Variants in SLC14A2 observed in about 807,000 individuals in gnomAD.
SLC14A2 encodes solute carrier family 14 member 2.
A neutral mutation model predicts 104.6 loss-of-function variants in SLC14A2; 91 were observed. The observed-to-expected ratio is 0.87, with a 90% CI of 0.73 to 1.04. The LOEUF (loss-of-function observed/expected upper bound fraction) is 1.04, where lower values mean the gene tolerates loss of function less well. Among genes scored for constraint, SLC14A2 ranks in the 50% least tolerant of loss-of-function variants. The pLI is 0.00. For synonymous variants in SLC14A2, 476 were observed against 466.4 expected (o/e 1.02, Z -0.27); for missense variants, 1,189 against 1,156.0 (o/e 1.03, Z -0.41).
chr18:45,473,660 C>T (rs145006016), intron 1 of SLC14A2, among the ~76,000 whole-genome samples: 3 of 152,284 alleles, frequency 2.0e-5, no homozygotes, highest in East Asian at 3.9e-4. Flanking sequence ...GGAGTTCACT[C>T]ATGATTTGGC....
chr18:45,675,633 GCCT>G (rs1024666073), intron 18 of SLC14A2, among the ~76,000 whole-genome samples: 1 of 147,986 alleles, frequency 6.8e-6, no homozygotes, highest in Non-Finnish European at 1.5e-5. Flanking sequence ...TCCCACCTCA[GCCT>G]CCTGAGTAGG....
At chr18:45,270,649 C>G (rs1046739018) in intron 1 of SLC14A2, among the ~76,000 whole-genome samples, 1 of 152,136 alleles carries the variant, frequency 6.6e-6, no homozygotes, top group African/African-American at 2.4e-5. Context: ...CATTGGATCT[C>G]TATCATAACA....
chr18:45,543,606 T>C (rs1171720299), intron 2 of SLC14A2, among the ~76,000 whole-genome samples: 2 of 152,236 alleles, frequency 1.3e-5, no homozygotes, highest in Non-Finnish European at 2.9e-5. Context: ...GAGCTTGTTT[T>C]GTGAGCATTG....
chr18:45,201,770 T>C, the SLC14A2 span, among the ~76,000 whole-genome samples: 3 of 152,284 alleles, frequency 2.0e-5, no homozygotes, highest in East Asian at 5.8e-4. Flanking sequence ...CTCTCACTTA[T>C]GAAAGATTTG....
At chr18:45,569,207 A>G (rs531656056) in intron 2 of SLC14A2, among the ~76,000 whole-genome samples, 19 of 152,140 alleles carry the variant, frequency 1.2e-4, no homozygotes, top group African/African-American at 4.6e-4. Context: ...ATTTATTTCT[A>G]TCTTCACCCA....
chr18:45,359,839 A>G (rs530710191), intron 1 of SLC14A2, among the ~76,000 whole-genome samples: 1 of 152,340 alleles, frequency 6.6e-6, no homozygotes, highest in African/African-American at 2.4e-5. Context: ...CTTCTGTCCA[A>G]CTGATGAAAT....
chr18:45,670,725 A>G (rs2046118070), intron 16 of SLC14A2, among the ~76,000 whole-genome samples: 1 of 152,190 alleles, frequency 6.6e-6, no homozygotes, highest in African/African-American at 2.4e-5. Flanking sequence ...CAGTGACGCA[A>G]TCACAGCTCA....
At chr18:45,192,642 T>TTTGTTTTGTTTTG in the SLC14A2 span, among the ~76,000 whole-genome samples, 15 of 144,832 alleles carry the variant, frequency 1.0e-4, no homozygotes, top group Admixed American at 6.9e-4. Context: ...GTGTGGTTTT[T>TTTGTTTTGTTTTG]TTTTGTTTTG....
intron 2 of SLC14A2, among the ~76,000 whole-genome samples, chr18:45,548,312 A>C (rs1176037496): frequency 6.6e-6 from 1 of 152,206 alleles, no homozygotes; most frequent in African/African-American, 2.4e-5. Context: ...CAGGAAGAAG[A>C]CTTCCTTCAG....
At chr18:45,611,514 A>T (rs2044971227), upstream of SLC14A2, among the ~76,000 whole-genome samples, 1 of 152,234 alleles carries the variant, frequency 6.6e-6, no homozygotes, top group South Asian at 2.1e-4. Context: ...ACAAAGGAAG[A>T]CCCAGCTTCA....
chr18:45,439,444 ATT>A (rs60235515), intron 1 of SLC14A2, among the ~76,000 whole-genome samples: 58 of 150,958 alleles, frequency 3.8e-4, no homozygotes, highest in African/African-American at 1.2e-3. Flanking sequence ...ATATATTCTG[ATT>A]TTTTTTTTGT....
At chr18:45,480,393 A>T (rs1458718387) in intron 1 of SLC14A2, among the ~76,000 whole-genome samples, 1 of 152,136 alleles carries the variant, frequency 6.6e-6, no homozygotes, top group Non-Finnish European at 1.5e-5. Context: ...TGCTGAGCTG[A>T]ATGCAATTGG....
chr18:45,208,048 G>T (rs947429209), upstream of SLC14A2, among the ~76,000 whole-genome samples: 1 of 152,080 alleles, frequency 6.6e-6, no homozygotes, highest in African/African-American at 2.4e-5. Context: ...TTTTCACTAT[G>T]AATTGTCCTC....
At chr18:45,457,687 T>TA (rs3058359) in intron 1 of SLC14A2, among the ~76,000 whole-genome samples, 4,997 of 144,214 alleles carry the variant, frequency 0.035, 279 homozygotes, top group African/African-American at 0.12. Flanking sequence ...TTATGGAGGT[T>TA]AAAAAAAAAA....
intron 1 of SLC14A2, among the ~76,000 whole-genome samples, chr18:45,267,734 C>T (rs2084606670): frequency 3.9e-5 from 6 of 152,088 alleles, no homozygotes; most frequent in African/African-American, 1.2e-4. Flanking sequence ...GAAATATGAC[C>T]ATTATTGTTA....
intron 2 of SLC14A2, among the ~76,000 whole-genome samples, chr18:45,522,949 C>T (rs1041613851): frequency 9.2e-5 from 14 of 152,178 alleles, no homozygotes; most frequent in Admixed American, 5.2e-4. Context: ...TAAGTTCCAA[C>T]GCAGAGCATG....
At chr18:45,210,034 A>G (rs963045051), upstream of SLC14A2, among the ~76,000 whole-genome samples, 1 of 152,192 alleles carries the variant, frequency 6.6e-6, no homozygotes, top group African/African-American at 2.4e-5. Context: ...TCACCAATGC[A>G]TGTCTTACCT....
chr18:45,297,538 A>G (rs1290333153), intron 1 of SLC14A2, among the ~76,000 whole-genome samples: 1 of 152,228 alleles, frequency 6.6e-6, no homozygotes, highest in Non-Finnish European at 1.5e-5. Flanking sequence ...TCCCTACTCC[A>G]TTACCTGCTA....
At chr18:45,226,088 A>G (rs2084113399) in intron 1 of SLC14A2, among the ~76,000 whole-genome samples, 1 of 152,176 alleles carries the variant, frequency 6.6e-6, no homozygotes, top group African/African-American at 2.4e-5. Flanking sequence ...ATCACTGGCC[A>G]TCAGAGAAAT....
Sources: gnomAD v4.1 joint callset for allele counts (sites outside exome capture counted in the v4.1 genomes callset) on GRCh38, gnomAD v4.1.1 for gene constraint, MANE v1.5 for transcripts, NCBI Gene and HGNC (gene_info 2026-07-23, HGNC 2026-07-21) for gene names.